SLC23A2: variants seen among roughly 807,000 people sequenced by gnomAD.
SLC23A2 encodes solute carrier family 23 member 2.
A neutral mutation model predicts 73.3 loss-of-function variants in SLC23A2; 36 were observed. The ratio of observed to expected loss-of-function variants is 0.49; its 90% CI spans 0.38 to 0.65. The LOEUF is 0.65. Ranked by LOEUF, SLC23A2 falls within the 30% of genes least tolerant of loss-of-function variation. SLC23A2 has a pLI of 0.00. For synonymous variants in SLC23A2, 343 were observed against 327.3 expected (o/e 1.05, Z -0.52); for missense variants, 507 against 841.6 (o/e 0.60, Z 4.92).
Position 4,855,198 on chromosome 20 carries a change from A to C in SLC23A2, c.*1774T>G, listed in dbSNP as rs1929669059. On this transcript the variant is annotated 3_prime_UTR_variant, in exon 17 of 17. Coordinates refer to ENST00000338244, the MANE Select transcript of SLC23A2 (RefSeq NM_005116.6). ...GCCAGAATAAACCTTGAAGCCCCAAACTTCCAAGAGTGAAGGGGGCTACGG... is the reference window on the plus strand; with the variant it reads ...GCCAGAATAAACCTTGAAGCCCCAACCTTCCAAGAGTGAAGGGGGCTACGG... The C allele has an allele frequency of 6.6e-6, 1 of 152,470 alleles. No homozygotes were observed. The highest frequency in any genetic ancestry group is 6.5e-5 in the Admixed American group (1 of 15,288). 9.4% of individuals were successfully genotyped at this position (152,470 alleles called of 1,614,324 possible).
chr20:4,899,792 T>G lies in SLC23A2; in HGVS notation c.325-80A>C. ...TTGATTTCATCCTAATTCTTCTCTC[T>G]TATTGTCGTTAAAAAATAGCCCACA... On this transcript the variant is annotated intron_variant, in intron 5 of 16. Transcript: ENST00000338244. This position sits in a 1 kb window ranked among gnomAD's most constrained non-coding sequence, Gnocchi z 4.9. 7.1e-7 allele frequency: 1 copy of G among 1,407,634 alleles called. No individual in the cohort carries two copies. Among genetic ancestry groups the G allele is most frequent in the Non-Finnish European group, 9.8e-7 (1 of 1,019,740 alleles). The allele number at this position is 1,407,634 out of a possible 1,614,324, so 87.2% of individuals were successfully genotyped here.
intron 12 of SLC23A2, 146 bp downstream of exon 12, chr20:4,869,760 G>C: frequency 1.6e-6 from 1 of 624,806 alleles, no homozygotes; most frequent in South Asian, 2.2e-5. Context: ...AACAAAGGTG[G>C]TGATGCATCA....
chr20:4,905,577 T>C (rs994054793), intron 4 of SLC23A2, among the ~76,000 whole-genome samples: 2 of 152,246 alleles, frequency 1.3e-5, no homozygotes, highest in Non-Finnish European at 2.9e-5. Flanking sequence ...CTGCCTGTGC[T>C]CCAAAGACTA....
intron 2 of SLC23A2, among the ~76,000 whole-genome samples, chr20:4,950,388 G>A (rs1217043933): frequency 6.6e-6 from 1 of 152,182 alleles, no homozygotes; most frequent in African/African-American, 2.4e-5. Context: ...TCTCAAGGTA[G>A]GAGTTCATCA....
At chr20:4,945,947 C>A (rs902289332) in intron 2 of SLC23A2, among the ~76,000 whole-genome samples, 1 of 152,154 alleles carries the variant, frequency 6.6e-6, no homozygotes, top group Non-Finnish European at 1.5e-5. Context: ...TCATCATATT[C>A]CCCTGCCACA....
intron 8 of SLC23A2, among the ~76,000 whole-genome samples, chr20:4,884,233 G>C (rs1931007195): frequency 6.6e-6 from 1 of 152,212 alleles, no homozygotes; most frequent in African/African-American, 2.4e-5. Context: ...AATTCTAAAG[G>C]GATGTTTTTA....
In SLC23A2 at chr20:4,862,773, CT is replaced by C; in HGVS notation, c.1486+4del. 6.2e-7 allele frequency: 1 copy of C among 1,607,980 alleles called. No homozygotes were observed. The highest frequency in any genetic ancestry group is 8.5e-7 in the Non-Finnish European group (1 of 1,175,402). Reference sequence around the variant, plus strand: ...AAAGGAAAAAGCCAGAGAGGGGAGTCTTACCAAAGAGCGTGCAGAACAGGGC... The same window carrying C: ...AAAGGAAAAAGCCAGAGAGGGGAGTCTACCAAAGAGCGTGCAGAACAGGGC... On this transcript the variant is annotated splice_donor_region_variant and intron_variant, in intron 14 of 16. Transcript: ENST00000338244. This position sits in a 1 kb window ranked among gnomAD's most constrained non-coding sequence, Gnocchi z 5.1.
At chr20:4,963,024 A>G (rs2087417642) in intron 2 of SLC23A2, among the ~76,000 whole-genome samples, 1 of 152,156 alleles carries the variant, frequency 6.6e-6, no homozygotes, top group African/African-American at 2.4e-5. Flanking sequence ...GATGGCAAAG[A>G]GGAAAAAGGC....
At chr20:4,990,820 T>C (rs1053483001) in intron 1 of SLC23A2, among the ~76,000 whole-genome samples, 1 of 149,414 alleles carries the variant, frequency 6.7e-6, no homozygotes, top group Non-Finnish European at 1.5e-5. Context: ...CTGTCTTTAC[T>C]AAAAACACAA....
chr20:4,962,635 T>C (rs2681112), intron 2 of SLC23A2, among the ~76,000 whole-genome samples: 15,636 of 152,130 alleles, frequency 0.1, 838 homozygotes, highest in Middle Eastern at 0.23. Context: ...GAGATGATGC[T>C]AGAAGACACA....
intron 1 of SLC23A2, among the ~76,000 whole-genome samples, chr20:5,007,209 G>T (rs1041346909): frequency 1.3e-5 from 2 of 151,960 alleles, no homozygotes; most frequent in African/African-American, 4.8e-5. Flanking sequence ...CCATTTTAAG[G>T]TATACATTTT....
intron 2 of SLC23A2, among the ~76,000 whole-genome samples, chr20:4,967,550 TTTAA>T (rs1277413910): frequency 6.6e-6 from 1 of 152,226 alleles, no homozygotes; most frequent in Non-Finnish European, 1.5e-5. Flanking sequence ...CCAGTAAATA[TTTAA>T]TTCTCTTTGC....
intron 1 of SLC23A2, among the ~76,000 whole-genome samples, chr20:5,007,104 C>A (rs1301779176): frequency 2.0e-5 from 3 of 152,106 alleles, no homozygotes; most frequent in Non-Finnish European, 4.4e-5. Context: ...GAGATAGGCA[C>A]CGTATAGCAT....
rs1408181113 is a variant in SLC23A2, at chr20:4,927,970, CT to C, written c.108+4484del. ...GCAAATCATTCAAAATGGTCTTCTACTTTAAAAGTTGACTTAGGGTAGCAAT... is the reference window on the plus strand; with the variant it reads ...GCAAATCATTCAAAATGGTCTTCTACTTAAAAGTTGACTTAGGGTAGCAAT... On this transcript the variant is annotated intron_variant, in intron 3 of 16. Transcript: ENST00000338244. Among the ~76,000 whole-genome samples, 3 of 152,276 alleles carry C rather than the reference CT, an allele frequency of 2.0e-5. No individual in the cohort carries two copies. The South Asian group carries it at 6.2e-4, about 32-fold the overall frequency.
chr20:4,862,753 A>G lies in SLC23A2; in HGVS notation c.1486+25T>C, dbSNP rs1930021877. ...TATTAAAAATTTGGAAAAGTAAAGGAAAAAGCCAGAGAGGGGAGTCTTACC... is the reference window on the plus strand; with the variant it reads ...TATTAAAAATTTGGAAAAGTAAAGGGAAAAGCCAGAGAGGGGAGTCTTACC... On this transcript the variant is annotated intron_variant, in intron 14 of 16. Coordinates refer to ENST00000338244, the MANE Select transcript of SLC23A2 (RefSeq NM_005116.6). This position sits in a 1 kb window ranked among gnomAD's most constrained non-coding sequence, Gnocchi z 5.1. 1.3e-6 allele frequency: 2 copies of G among 1,592,292 alleles called. No individual in the cohort carries two copies. The highest frequency in any genetic ancestry group is 1.7e-6 in the Non-Finnish European group (2 of 1,163,960).
intron 6 of SLC23A2, among the ~76,000 whole-genome samples, chr20:4,896,462 A>G (rs983246536): frequency 6.6e-6 from 1 of 152,124 alleles, no homozygotes; most frequent in South Asian, 2.1e-4. Flanking sequence ...ACTGCCCACA[A>G]GGTGCTGGCA....
At chr20:4,861,813 C>T (rs768803777) in intron 15 of SLC23A2, 135 bp downstream of exon 15, 90 of 865,660 alleles carry the variant, frequency 1.0e-4, no homozygotes, top group Non-Finnish European at 1.4e-4. Flanking sequence ...AAGTGAGATT[C>T]AAGAGAGATC....
chr20:4,990,791 T>C (rs1217751795), intron 1 of SLC23A2, among the ~76,000 whole-genome samples: 1 of 151,006 alleles, frequency 6.6e-6, no homozygotes, highest in African/African-American at 2.4e-5. Context: ...AAGACCAGCC[T>C]GACCAACATG....
intron 6 of SLC23A2, among the ~76,000 whole-genome samples, chr20:4,892,431 C>T (rs554173400): frequency 7.9e-4 from 120 of 152,300 alleles, no homozygotes; most frequent in African/African-American, 2.8e-3. Flanking sequence ...AGGTGATCCG[C>T]CCGCCTCAGC....
Sources: allele counts gnomAD v4.1 joint callset (sites outside exome capture counted in the v4.1 genomes callset), GRCh38; gene constraint gnomAD v4.1.1; non-coding constraint Gnocchi (gnomAD v3.1); transcripts MANE v1.5; gene names NCBI Gene and HGNC (gene_info 2026-07-23, HGNC 2026-07-21).